The following MREG variants were observed in gnomAD, a reference collection of about 807,000 sequenced individuals.
MREG encodes the protein melanoregulin.
A neutral mutation model predicts 28.5 loss-of-function variants in MREG; 31 were observed. The observed-to-expected ratio is 1.09, with a 90% CI of 0.82 to 1.47. MREG has a LOEUF of 1.47. Ranked by LOEUF, MREG falls within the 40% of genes most tolerant of loss-of-function variation. MREG has a pLI of 0.00. For missense variants in MREG, 256 were observed against 257.4 expected (o/e 0.99, Z 0.04); for synonymous variants, 106 against 95.2 (o/e 1.11, Z -0.66).
At position 215,996,349 on chromosome 2, in the gene MREG, T is replaced by C. The variant is rs370069855; in HGVS notation, c.212A>G (p.Tyr71Cys). The change falls in exon 2 of 5, where the codon TAC becomes TGC. Residue 71 changes from tyrosine (Y) to cysteine (C), a missense_variant. Transcript: ENST00000263268. Reference protein sequence around the residue: ...HTEADDDRTLYNLIVIRNQQA... With the variant: ...HTEADDDRTLCNLIVIRNQQA... The stretch of plus-strand genomic sequence containing the variant: ...CTGATTACGAATGACTATCAAATTG[T>C]ACAGGGTTCTGTCGTCGTCTGCCTC... The C allele has an allele frequency of 2.9e-5, 47 of 1,613,924 alleles. No homozygotes were observed. Among genetic ancestry groups the C allele is most frequent in the Admixed American group, 2.5e-4 (15 of 59,998 alleles).
intron 1 of MREG, among the ~76,000 whole-genome samples, chr2:216,023,970 C>A (rs1694560225): frequency 1.3e-5 from 2 of 152,078 alleles, no homozygotes; most frequent in African/African-American, 2.4e-5. Context: ...ACCTGGCCAG[C>A]CTCTCCAACT....
chr2:215,942,433 GACTT>G (rs1692210294), downstream of MREG, among the ~76,000 whole-genome samples: 2 of 152,148 alleles, frequency 1.3e-5, no homozygotes, highest in African/African-American at 4.8e-5. Flanking sequence ...ATGTCCACTG[GACTT>G]AACACACATC....
intron 2 of MREG, among the ~76,000 whole-genome samples, chr2:215,978,998 G>A (rs953899543): frequency 7.9e-5 from 12 of 152,158 alleles, no homozygotes; most frequent in African/African-American, 2.9e-4. Flanking sequence ...TGGACACATC[G>A]GGTAGAATTT....
intron 2 of MREG, among the ~76,000 whole-genome samples, chr2:215,987,887 G>A (rs964060861): frequency 8.6e-5 from 13 of 151,830 alleles, no homozygotes; most frequent in African/African-American, 2.9e-4. Context: ...TGGGCAACAA[G>A]AGTGAAACTC....
At chr2:215,945,973 G>T (rs949468383) in intron 3 of MREG, among the ~76,000 whole-genome samples, 5 of 151,846 alleles carry the variant, frequency 3.3e-5, no homozygotes, top group African/African-American at 1.2e-4. Flanking sequence ...TTTTCCCTCA[G>T]AGCCTCAGAT....
At chr2:215,992,333 A>T (rs1431376710) in intron 2 of MREG, among the ~76,000 whole-genome samples, 1 of 152,256 alleles carries the variant, frequency 6.6e-6, no homozygotes, top group Non-Finnish European at 1.5e-5. Context: ...AAGGTCTTCA[A>T]TAAAATTCAA....
At chr2:215,988,730 G>A (rs1693647335) in intron 2 of MREG, among the ~76,000 whole-genome samples, 2 of 152,206 alleles carry the variant, frequency 1.3e-5, no homozygotes, top group Non-Finnish European at 2.9e-5. Context: ...CCATTCCTGA[G>A]GCTTGGGCAG....
At chr2:215,951,948 A>G (rs1467558761) in intron 2 of MREG, among the ~76,000 whole-genome samples, 1 of 152,166 alleles carries the variant, frequency 6.6e-6, no homozygotes, top group Non-Finnish European at 1.5e-5. Context: ...ATCCCCTGGC[A>G]ACGACTGTTC....
chr2:215,947,072 C>A lies in MREG; in HGVS notation c.297G>T (p.Gln99His). 1 of 1,613,358 alleles carries A rather than the reference C, an allele frequency of 6.2e-7. No individual in the cohort carries two copies. The highest frequency in any genetic ancestry group is 8.5e-7 in the Non-Finnish European group (1 of 1,179,446). ...ATCTGTTTCTTACTTCCCTTCGAAC[C>A]TGCCGCAGGGTATGGATATCATAGT... ...KLNYDIHTLR[Q>H]VRREVRNRWK... is the part of the protein sequence containing the mutation. The change falls in exon 3 of 5, where the codon CAG (glutamine) becomes CAT (histidine). Residue 99 changes from glutamine to histidine, a missense_variant. Gln to His is a conservative substitution (Grantham distance 24). Transcript: ENST00000263268.
intron 2 of MREG, among the ~76,000 whole-genome samples, chr2:215,990,493 G>A (rs995324294): frequency 1.3e-5 from 2 of 151,966 alleles, no homozygotes; most frequent in Non-Finnish European, 2.9e-5. Flanking sequence ...TCAACTAACG[G>A]GAAAAATAAC....
chr2:215,940,177 C>T (rs1207116636), downstream of MREG, among the ~76,000 whole-genome samples: 5 of 152,184 alleles, frequency 3.3e-5, no homozygotes, highest in African/African-American at 1.2e-4. Context: ...AAACTGGATA[C>T]CCAAATGTCC....
chr2:216,018,843 G>C (rs1273761558), intron 1 of MREG, among the ~76,000 whole-genome samples: 1 of 152,172 alleles, frequency 6.6e-6, no homozygotes, highest in East Asian at 1.9e-4. Context: ...TCAATAGGCT[G>C]GCTATAACAA....
At chr2:215,976,738 G>T (rs1290741092) in intron 2 of MREG, among the ~76,000 whole-genome samples, 1 of 152,138 alleles carries the variant, frequency 6.6e-6, no homozygotes, top group Non-Finnish European at 1.5e-5. Flanking sequence ...CATTCTTAAA[G>T]AAAAGAATTT....
At chr2:216,010,348 A>ATTTTTTT (rs1405422677) in intron 1 of MREG, among the ~76,000 whole-genome samples, 1 of 101,354 alleles carries the variant, frequency 9.9e-6, no homozygotes, top group African/African-American at 4.0e-5. Flanking sequence ...GAAAGAAAAG[A>ATTTTTTT]TTTCTCTTTT....
At chr2:215,983,851 T>C (rs540368064) in intron 2 of MREG, among the ~76,000 whole-genome samples, 6 of 152,338 alleles carry the variant, frequency 3.9e-5, no homozygotes, top group Admixed American at 2.0e-4. Flanking sequence ...TTTGTCAGCA[T>C]ACAATTACTT....
At chr2:216,003,059 T>C (rs974075206) in intron 1 of MREG, among the ~76,000 whole-genome samples, 1 of 152,130 alleles carries the variant, frequency 6.6e-6, no homozygotes, top group Non-Finnish European at 1.5e-5. Context: ...AAACATGTCT[T>C]ATCCCCAAGT....
intron 2 of MREG, among the ~76,000 whole-genome samples, chr2:215,969,913 C>T (rs557292224): frequency 6.6e-6 from 1 of 152,224 alleles, no homozygotes; most frequent in African/African-American, 2.4e-5. Flanking sequence ...TGCAAAGGGA[C>T]AAAGAAGTGT....
At chr2:215,948,319 CA>C (rs1692374926) in intron 2 of MREG, among the ~76,000 whole-genome samples, 3 of 152,130 alleles carry the variant, frequency 2.0e-5, no homozygotes, top group Non-Finnish European at 2.9e-5. Flanking sequence ...GAGGATATGC[CA>C]TCAGCAGGGC....
intron 2 of MREG, among the ~76,000 whole-genome samples, chr2:215,976,745 A>AT (rs1276745618): frequency 6.6e-6 from 1 of 152,200 alleles, no homozygotes; most frequent in Non-Finnish European, 1.5e-5. Context: ...AAAGAAAAGA[A>AT]TTTTCAACCC....
Sources: allele counts gnomAD v4.1 joint callset (sites outside exome capture counted in the v4.1 genomes callset), GRCh38; gene constraint gnomAD v4.1.1; transcripts MANE v1.5; gene names NCBI Gene and HGNC (gene_info 2026-07-23, HGNC 2026-07-21).